WDR41: variants seen among roughly 807,000 people sequenced by gnomAD.
WDR41 encodes the protein WD repeat domain 41.
WDR41 carries 63 observed loss-of-function variants against 69.3 expected under a neutral mutation model. The observed-to-expected ratio is 0.91, with a 90% CI of 0.74 to 1.12. The LOEUF (loss-of-function observed/expected upper bound fraction) is 1.12, where lower values mean the gene tolerates loss of function less well. Among genes scored for constraint, WDR41 ranks in the 50% most tolerant of loss-of-function variants. The pLI is 0.00. For synonymous variants in WDR41, 185 were observed against 192.1 expected, an observed-to-expected ratio of 0.96 and a Z score of 0.31; for missense variants, 543 against 534.5, an observed-to-expected ratio of 1.02 and a Z score of -0.16.
At chr5:77,558,553 A>G (rs752741780) in intron 1 of WDR41, among the ~76,000 whole-genome samples, 1 of 152,176 alleles carries the variant, frequency 6.6e-6, no homozygotes, top group Non-Finnish European at 1.5e-5. Flanking sequence ...GTCATTTCCA[A>G]TTTGAAAACG....
At chr5:77,447,757 G>T (rs138833276) in intron 8 of WDR41, among the ~76,000 whole-genome samples, 1 of 152,266 alleles carries the variant, frequency 6.6e-6, no homozygotes, top group African/African-American at 2.4e-5. Flanking sequence ...ACACACACCA[G>T]CACCTGTTGT....
intron 1 of WDR41, among the ~76,000 whole-genome samples, chr5:77,612,488 T>C (rs1404761537): frequency 6.6e-6 from 1 of 152,128 alleles, no homozygotes; most frequent in East Asian, 1.9e-4. Context: ...GCTGGTTCAA[T>C]ATATGCAAAT....
At chr5:77,437,889 C>T (rs1242949719) in intron 10 of WDR41, among the ~76,000 whole-genome samples, 2 of 152,148 alleles carry the variant, frequency 1.3e-5, no homozygotes, top group African/African-American at 4.8e-5. Flanking sequence ...GACCAGCAAC[C>T]ATTTGATTCT....
At chr5:77,541,698 G>A (rs1483733842) in intron 1 of WDR41, among the ~76,000 whole-genome samples, 1 of 151,580 alleles carries the variant, frequency 6.6e-6, no homozygotes, top group African/African-American at 2.4e-5. Flanking sequence ...TTGCCATGTT[G>A]GCCAGGCTGA....
At chr5:77,618,518 G>A (rs578120415) in intron 1 of WDR41, among the ~76,000 whole-genome samples, 59 of 152,146 alleles carry the variant, frequency 3.9e-4, no homozygotes, top group South Asian at 1.7e-3. Flanking sequence ...GATTACAGGC[G>A]CACACCACCA....
At chr5:77,441,211 T>C (rs1406954668) in intron 8 of WDR41, among the ~76,000 whole-genome samples, 1 of 152,172 alleles carries the variant, frequency 6.6e-6, no homozygotes, top group East Asian at 1.9e-4. Context: ...AATGATTGCA[T>C]TTCATTTCAG....
intron 9 of WDR41, among the ~76,000 whole-genome samples, chr5:77,439,634 A>G (rs1799081564): frequency 1.3e-5 from 2 of 152,234 alleles, no homozygotes; most frequent in African/African-American, 2.4e-5. Context: ...CATTTACTCA[A>G]TGGGGATGCT....
At chr5:77,612,595 C>A (rs976931819) in intron 1 of WDR41, among the ~76,000 whole-genome samples, 6 of 152,096 alleles carry the variant, frequency 3.9e-5, no homozygotes, top group South Asian at 2.1e-4. Flanking sequence ...ATTCAACAAC[C>A]CTTCATACTA....
intron 1 of WDR41, among the ~76,000 whole-genome samples, chr5:77,594,221 C>A (rs1295252274): frequency 1.5e-5 from 2 of 133,386 alleles, no homozygotes; most frequent in Non-Finnish European, 3.0e-5. Context: ...ACAATGAGAA[C>A]ACTTGGACAC....
intron 11 of WDR41, among the ~76,000 whole-genome samples, chr5:77,436,944 T>C (rs904000788): frequency 1.6e-4 from 25 of 152,232 alleles, no homozygotes; most frequent in African/African-American, 5.8e-4. Flanking sequence ...CAAGGAAAAG[T>C]ATGTTTTCCC....
At chr5:77,471,526 C>A (rs57388188) in intron 2 of WDR41, among the ~76,000 whole-genome samples, 16,767 of 152,018 alleles carry the variant, frequency 0.11, 1,178 homozygotes, top group East Asian at 0.26. Context: ...TGATAGAACG[C>A]TAGTAAGACT....
At chr5:77,457,976 C>G (rs1284272664) in intron 5 of WDR41, among the ~76,000 whole-genome samples, 1 of 152,012 alleles carries the variant, frequency 6.6e-6, no homozygotes, top group Non-Finnish European at 1.5e-5. Context: ...ACACAGTTTA[C>G]CAAAAGGAAT....
In WDR41 at chr5:77,438,220, G is replaced by C. The variant is rs1449680840; in HGVS notation, c.1004+20C>G. 6 of 1,613,606 alleles carry C rather than the reference G, an allele frequency of 3.7e-6. No homozygotes were observed. The highest frequency in any genetic ancestry group is 5.1e-6 in the Non-Finnish European group (6 of 1,179,658). ...CTGTGACTTGCTTTCATCTATTGCA[G>C]AACAGATGGGAACTTGTACCTGTTT... On this transcript the variant is annotated intron_variant, in intron 10 of 12. Transcript: ENST00000296679.
intron 1 of WDR41, among the ~76,000 whole-genome samples, chr5:77,554,065 C>T (rs975797039): frequency 1.3e-5 from 2 of 152,162 alleles, no homozygotes; most frequent in Non-Finnish European, 1.5e-5. Context: ...GTGGTATATG[C>T]ACAACATGGA....
At chr5:77,492,344 C>A, upstream of WDR41, 2 of 1,329,242 alleles carry the variant, frequency 1.5e-6, no homozygotes, top group South Asian at 1.4e-5. Flanking sequence ...CGCCCCAGAT[C>A]AGCCCACGGG....
At chr5:77,475,225 C>A (rs1404316603) in intron 2 of WDR41, among the ~76,000 whole-genome samples, 2 of 152,202 alleles carry the variant, frequency 1.3e-5, no homozygotes, top group Non-Finnish European at 2.9e-5. Context: ...TGCAAGGCAG[C>A]AGCCAGGCTG....
Position 77,616,309 on chromosome 5 carries a change from G to C in WDR41, c.42+4170C>G, listed in dbSNP as rs185147361. ...CCTGGCACCAATGCAATGTATTTAAGCCCTTTCAACAGCTTTTTCTTTGTG... is the reference window on the plus strand; with the variant it reads ...CCTGGCACCAATGCAATGTATTTAACCCCTTTCAACAGCTTTTTCTTTGTG... On this transcript the variant is annotated intron_variant, in intron 1 of 5. Transcript: ENST00000509971. 3.9e-5 allele frequency among the ~76,000 whole-genome samples: 6 copies of C among 152,240 alleles called. No homozygotes were observed. In the East Asian group the frequency reaches 1.2e-3, roughly 29 times the overall value.
At chr5:77,506,814 A>C (rs181289874) in intron 1 of WDR41, among the ~76,000 whole-genome samples, 40 of 151,366 alleles carry the variant, frequency 2.6e-4, no homozygotes, top group African/African-American at 9.5e-4. Context: ...ATATGTTCTC[A>C]GTCATTGGTG....
In WDR41 at chr5:77,433,164, C is replaced by T. The variant is rs1422891280; in HGVS notation, c.1351G>A (p.Glu451Lys). 6.2e-7 allele frequency: 1 copy of T among 1,612,194 alleles called. No individual in the cohort carries two copies. The highest frequency in any genetic ancestry group is 1.7e-5 in the Admixed American group (1 of 59,892). ...RSLRLFQKLE[E>K]NGDLYLAV The stretch of plus-strand genomic sequence containing the variant: ...ACAGCAAGGTATAAGTCACCATTCT[C>T]CTCTAATTTTTGAAATAATCTTAAA... Residue 451 changes from glutamate to lysine, a missense_variant, in exon 13 of 13, where the codon GAG becomes AAG. By Grantham distance (56) the Glu-to-Lys change is moderately conservative. Coordinates refer to ENST00000296679, the MANE Select transcript of WDR41 (RefSeq NM_018268.4).
Sources: allele counts gnomAD v4.1 joint callset (sites outside exome capture counted in the v4.1 genomes callset), GRCh38; gene constraint gnomAD v4.1.1; transcripts MANE v1.5; gene names NCBI Gene and HGNC (gene_info 2026-07-23, HGNC 2026-07-21).